The following CDH12 variants were observed in gnomAD, a reference collection of about 807,000 sequenced individuals.
The protein encoded by CDH12 is cadherin-12.
In CDH12, 41 loss-of-function variants were observed where a neutral mutation model predicts 74.1. The observed-to-expected ratio is 0.55, with a 90% CI of 0.43 to 0.72. The LOEUF is 0.72. Ranked by LOEUF, CDH12 falls within the 30% of genes least tolerant of loss-of-function variation. The pLI is 0.00. For missense variants in CDH12, 945 were observed against 977.2 expected, an observed-to-expected ratio of 0.97 and a Z score of 0.44; for synonymous variants, 399 against 355.0, an observed-to-expected ratio of 1.12 and a Z score of -1.39.
chr5:22,283,237 T>C (rs1299817002), intron 3 of CDH12, among the ~76,000 whole-genome samples: 5,353 of 95,256 alleles, frequency 0.056, 135 homozygotes, highest in Admixed American at 0.093. Context: ...TATATATATA[T>C]ATATATATAT....
rs1742634179 is a variant in CDH12, at chr5:22,700,106, G to T, written c.-523+152952C>A. Among the ~76,000 whole-genome samples the T allele has an allele frequency of 1.3e-5, 2 of 151,966 alleles. 1 individual carries two copies. The highest frequency in any genetic ancestry group is 4.2e-4 in the South Asian group (2 of 4,818). The stretch of plus-strand genomic sequence containing the variant: ...TGCTTGAACCCAGGAGGCAGAGGTT[G>T]CAATGAGCCGAGATTGTACCACTGC... On this transcript the variant is annotated intron_variant, in intron 1 of 14. Coordinates refer to ENST00000382254, the MANE Select transcript of CDH12 (RefSeq NM_004061.5).
chr5:22,598,773 T>G (rs994874233), intron 1 of CDH12, among the ~76,000 whole-genome samples: 1 of 152,202 alleles, frequency 6.6e-6, no homozygotes, highest in Non-Finnish European at 1.5e-5. Flanking sequence ...ATTATCTTAA[T>G]TGATGCTGGC....
At chr5:22,092,340 T>C (rs948109759) in intron 4 of CDH12, among the ~76,000 whole-genome samples, 33 of 152,164 alleles carry the variant, frequency 2.2e-4, no homozygotes, top group African/African-American at 6.7e-4. Flanking sequence ...ACCCATAGAA[T>C]GCAAAAAAGT....
intron 2 of CDH12, among the ~76,000 whole-genome samples, chr5:22,433,865 G>T (rs1329057792): frequency 6.6e-6 from 1 of 152,130 alleles, no homozygotes; most frequent in Admixed American, 6.6e-5. Context: ...GTAGCATGAG[G>T]ATTAAAACAC....
At chr5:22,173,393 AT>A (rs1329572417) in intron 4 of CDH12, among the ~76,000 whole-genome samples, 2 of 79,924 alleles carry the variant, frequency 2.5e-5, no homozygotes, top group Non-Finnish European at 7.1e-5. Context: ...TATAATATAA[AT>A]ATTAATAAAT....
At chr5:21,788,335 A>G (rs1489700350) in intron 10 of CDH12, among the ~76,000 whole-genome samples, 1 of 152,172 alleles carries the variant, frequency 6.6e-6, no homozygotes, top group African/African-American at 2.4e-5. Context: ...GAGGGGAGGA[A>G]TAGACGGTGT....
At chr5:22,829,049 T>C (rs1736463787) in intron 1 of CDH12, among the ~76,000 whole-genome samples, 1 of 152,186 alleles carries the variant, frequency 6.6e-6, no homozygotes, top group Non-Finnish European at 1.5e-5. Context: ...AGGAGTTTGA[T>C]TCTCATTATT....
chr5:22,346,592 T>C (rs1182663406), intron 3 of CDH12, among the ~76,000 whole-genome samples: 1 of 152,202 alleles, frequency 6.6e-6, no homozygotes, highest in Non-Finnish European at 1.5e-5. Flanking sequence ...ATTTCAACAT[T>C]AATTAAAAAT....
intron 1 of CDH12, among the ~76,000 whole-genome samples, chr5:22,687,988 A>G (rs1187207018): frequency 6.6e-6 from 1 of 152,084 alleles, no homozygotes; most frequent in Non-Finnish European, 1.5e-5. Context: ...ATGCCTTGAG[A>G]TGGCCAATTC....
chr5:22,048,404 A>G (rs1477050342), intron 5 of CDH12, among the ~76,000 whole-genome samples: 2 of 152,162 alleles, frequency 1.3e-5, no homozygotes, highest in Non-Finnish European at 2.9e-5. Context: ...ATGGTTTTCC[A>G]CAACAAATTC....
At chr5:22,115,500 G>T (rs1320341167) in intron 4 of CDH12, among the ~76,000 whole-genome samples, 1 of 152,082 alleles carries the variant, frequency 6.6e-6, no homozygotes, top group Non-Finnish European at 1.5e-5. Flanking sequence ...TTTACTGGTT[G>T]TACTTCTGTT....
At chr5:22,402,318 C>T (rs1554038027) in intron 3 of CDH12, among the ~76,000 whole-genome samples, 1 of 152,144 alleles carries the variant, frequency 6.6e-6, no homozygotes, top group African/African-American at 2.4e-5. Context: ...AGAACACATA[C>T]TTTTTTGAAT....
intron 10 of CDH12, among the ~76,000 whole-genome samples, chr5:21,795,021 T>C (rs534267559): frequency 6.6e-5 from 10 of 151,820 alleles, no homozygotes; most frequent in African/African-American, 2.2e-4. Context: ...ATATATATTA[T>C]AGAACATTCA....
chr5:22,221,606 T>C (rs923639221), intron 3 of CDH12, among the ~76,000 whole-genome samples: 3 of 151,906 alleles, frequency 2.0e-5, no homozygotes, highest in African/African-American at 7.2e-5. Context: ...CTCCCGCTAG[T>C]AATATAAAAT....
At chr5:21,870,684 T>A (rs900662143) in intron 6 of CDH12, among the ~76,000 whole-genome samples, 3 of 152,142 alleles carry the variant, frequency 2.0e-5, no homozygotes, top group African/African-American at 7.2e-5. Flanking sequence ...GGCTTCTCCA[T>A]CCTCTTTATC....
chr5:22,270,963 A>C (rs1291512427), intron 3 of CDH12, among the ~76,000 whole-genome samples: 1 of 152,042 alleles, frequency 6.6e-6, no homozygotes, highest in Non-Finnish European at 1.5e-5. Flanking sequence ...GTGAGCCACC[A>C]CGCCCGGCCC....
At chr5:22,386,767 T>C (rs1742018019) in intron 3 of CDH12, among the ~76,000 whole-genome samples, 2 of 151,972 alleles carry the variant, frequency 1.3e-5, no homozygotes, top group South Asian at 2.1e-4. Context: ...AATGCATTTA[T>C]TGTGTTGTTT....
chr5:22,008,248 T>TA (rs780191272), intron 5 of CDH12, among the ~76,000 whole-genome samples: 41 of 151,106 alleles, frequency 2.7e-4, no homozygotes, highest in Middle Eastern at 3.4e-3. Context: ...TTTTTTTTTT[T>TA]AAATGGAGTC....
chr5:22,176,927 G>T (rs982901599), intron 4 of CDH12, among the ~76,000 whole-genome samples: 1 of 151,820 alleles, frequency 6.6e-6, no homozygotes, highest in Non-Finnish European at 1.5e-5. Flanking sequence ...TTGCCTCTTT[G>T]CTCATGCCTC....
Sources: allele counts gnomAD v4.1 joint callset (sites outside exome capture counted in the v4.1 genomes callset), GRCh38; gene constraint gnomAD v4.1.1; transcripts MANE v1.5; gene names NCBI Gene and HGNC (gene_info 2026-07-23, HGNC 2026-07-21).